MYH14: variants seen among roughly 807,000 people sequenced by gnomAD.
MYH14 encodes myosin heavy chain 14, also known as myosin-14.
MYH14 carries 123 observed loss-of-function variants against 255.5 expected under a neutral mutation model. That is an observed-to-expected ratio of 0.48 (90% CI 0.42 to 0.56). MYH14 has a LOEUF of 0.56. MYH14 is among the 20% of genes least tolerant of loss of function. MYH14 has a pLI of 0.00. For missense variants in MYH14, 2,423 were observed against 2,802.3 expected, an observed-to-expected ratio of 0.86 and a Z score of 3.06; for synonymous variants, 1,095 against 1,161.2, an observed-to-expected ratio of 0.94 and a Z score of 1.16.
intron 10 of MYH14, among the ~76,000 whole-genome samples, chr19:50,235,240 C>G (rs991173816): frequency 2.0e-5 from 3 of 151,836 alleles, no homozygotes; most frequent in Admixed American, 2.0e-4. Flanking sequence ...CGCCTGTAGT[C>G]CCAGCTACTC....
chr19:50,248,962 C>T (rs753003181), intron 12 of MYH14, 25 bp from the exon 13 acceptor site: 100 of 1,611,988 alleles, frequency 6.2e-5, no homozygotes, highest in Non-Finnish European at 5.6e-5. Flanking sequence ...CAGGCTGCGC[C>T]CTTACCATGA....
At chr19:50,257,819 G>A (rs142414742) in intron 18 of MYH14, among the ~76,000 whole-genome samples, 5 of 152,318 alleles carry the variant, frequency 3.3e-5, no homozygotes, top group African/African-American at 1.2e-4. Flanking sequence ...AGTTAAATCT[G>A]TAGGGGTGGT....
chr19:50,244,712 T>C (rs2034032481), intron 11 of MYH14, among the ~76,000 whole-genome samples: 1 of 151,948 alleles, frequency 6.6e-6, no homozygotes, highest in African/African-American at 2.4e-5. Flanking sequence ...CTCGATCTCA[T>C]GACCTCGTGA....
chr19:50,262,191 C>A (rs1190151168), intron 21 of MYH14, among the ~76,000 whole-genome samples: 1 of 152,120 alleles, frequency 6.6e-6, no homozygotes, highest in Admixed American at 6.5e-5. Context: ...TGTGCAAAGA[C>A]CCAACGATGC....
intron 10 of MYH14, among the ~76,000 whole-genome samples, chr19:50,241,319 C>T (rs1213503074): frequency 2.6e-5 from 4 of 152,134 alleles, no homozygotes; most frequent in Non-Finnish European, 5.9e-5. Context: ...CCTGTAGTCC[C>T]AGCTACTTGG....
intron 6 of MYH14, 126 bp from the exon 7 acceptor site, chr19:50,225,459 G>A (rs1031463941): frequency 1.2e-5 from 8 of 681,656 alleles, no homozygotes; most frequent in African/African-American, 3.5e-5. Flanking sequence ...GTGGGTACAC[G>A]CCCAGACACA....
At chr19:50,281,909 G>A in intron 33 of MYH14, 67 bp downstream of exon 33, 2 of 1,537,450 alleles carry the variant, frequency 1.3e-6, no homozygotes, top group Non-Finnish European at 1.8e-6. Context: ...TGGTCGTTGT[G>A]AGGAACCAGT....
At chr19:50,225,719 C>T in intron 7 of MYH14, 42 bp downstream of exon 7, 1 of 1,518,626 alleles carries the variant, frequency 6.6e-7, no homozygotes, top group Non-Finnish European at 9.1e-7. Context: ...GTCAGGGATA[C>T]AGGAGCTGGG....
intron 42 of MYH14, 146 bp downstream of exon 42, chr19:50,309,323 G>T (rs1350786702): frequency 3.8e-6 from 3 of 797,422 alleles, no homozygotes; most frequent in Non-Finnish European, 2.1e-6. Context: ...GCTGTGTTGC[G>T]GGAGAGCCAA....
At chr19:50,206,071 G>C (rs1198730070) in intron 1 of MYH14, among the ~76,000 whole-genome samples, 2 of 152,188 alleles carry the variant, frequency 1.3e-5, no homozygotes, top group Non-Finnish European at 2.9e-5. Context: ...AGGGCAGTCA[G>C]AGAGGCTCGG....
chr19:50,237,988 G>A (rs1238366931), intron 10 of MYH14, among the ~76,000 whole-genome samples: 1 of 152,142 alleles, frequency 6.6e-6, no homozygotes. Flanking sequence ...CAGAGAGAGA[G>A]GTGGACACCT....
chr19:50,305,271 G>C (rs549983464), intron 40 of MYH14, among the ~76,000 whole-genome samples: 11 of 152,198 alleles, frequency 7.2e-5, no homozygotes, highest in Non-Finnish European at 1.6e-4. Flanking sequence ...CTGGGGCTGG[G>C]GCTGTGAAGA....
At position 50,275,074 on chromosome 19, in the gene MYH14, T is replaced by C. The variant is rs374653394; in HGVS notation, c.3468-917T>C. On this transcript the variant is annotated intron_variant, in intron 27 of 42. Transcript: ENST00000642316. ...CATGTGGCCTTTTGTGCTTTAGTTA[T>C]TTTTATCGCCATCTCCCCAGCAACC... Among the ~76,000 whole-genome samples the C allele has an allele frequency of 2.1e-4, 32 of 152,342 alleles. No homozygotes were observed. In the East Asian group the frequency reaches 4.6e-3, roughly 22 times the overall value.
chr19:50,228,094 G>A (rs1461053232), intron 8 of MYH14, among the ~76,000 whole-genome samples: 2 of 152,074 alleles, frequency 1.3e-5, no homozygotes, highest in Non-Finnish European at 2.9e-5. Context: ...GACCAGCCAG[G>A]CCAACATGGT....
At position 50,301,695 on chromosome 19, in the gene MYH14, G is replaced by A. The variant is rs754861302; in HGVS notation, c.5504G>A (p.Arg1835His). ...CTGACCACAGAGCTGTCAGCTGAGC[G>A]CAGTTTCTCAGCCAAGGCAGAGAGC... Reference protein sequence around the residue: ...ESLTTELSAERSFSAKAESGR... With the variant: ...ESLTTELSAEHSFSAKAESGR... Residue 1835 changes from arginine (R) to histidine (H), a missense_variant, in exon 40 of 43, where the codon CGC becomes CAC. Transcript: ENST00000642316. 4.5e-5 allele frequency: 73 copies of A among 1,613,658 alleles called. No individual in the cohort carries two copies. The highest frequency in any genetic ancestry group is 6.7e-5 in the African/African-American group (5 of 74,904).
At chr19:50,302,954 A>G (rs1170169634) in intron 40 of MYH14, among the ~76,000 whole-genome samples, 2 of 152,228 alleles carry the variant, frequency 1.3e-5, no homozygotes, top group African/African-American at 4.8e-5. Context: ...GTGTGTAAAT[A>G]TATGTAAATA....
In MYH14 at chr19:50,261,549, G is replaced by A. The variant is rs1306095508; in HGVS notation, c.2499G>A (p.Leu833=). Residue 833 remains leucine, a synonymous_variant, in exon 21 of 43, where the codon CTG becomes CTA. Coordinates refer to ENST00000642316, the MANE Select transcript of MYH14 (RefSeq NM_001145809.2). The part of the protein sequence containing the change: ...QSKIFFRAGV[L]AQLEEERDLK... The stretch of plus-strand genomic sequence containing the variant: ...AGATCTTCTTCCGGGCTGGGGTCCT[G>A]GCCCAGCTGGAAGAGGAGCGAGACC... The A allele has an allele frequency of 6.3e-7, 1 of 1,599,206 alleles. No homozygotes were observed. The highest frequency in any genetic ancestry group is 1.7e-5 in the Admixed American group (1 of 58,620).
chr19:50,225,608 T>C lies in MYH14; in HGVS notation c.741T>C (p.Leu247=). 11 of 1,613,282 alleles carry C rather than the reference T, an allele frequency of 6.8e-6. No homozygotes were observed. The highest frequency in any genetic ancestry group is 9.3e-6 in the Non-Finnish European group (11 of 1,179,796). ...AGGGTGAGCTGGAGCGGCAGCTGCT[T>C]CAGGCCAACCCCATCCTAGAGGCCT... ...VSYGELERQL[L]QANPILEAFG... Residue 247 remains leucine, a synonymous_variant, in exon 7 of 43, where the codon CTT becomes CTC. Transcript: ENST00000642316.
chr19:50,273,449 A>T (rs748226608), intron 27 of MYH14, among the ~76,000 whole-genome samples: 2 of 152,150 alleles, frequency 1.3e-5, no homozygotes, highest in Non-Finnish European at 2.9e-5. Context: ...TTGAGCTCCT[A>T]CTGTATGCCA....
Sources: allele counts gnomAD v4.1 joint callset (sites outside exome capture counted in the v4.1 genomes callset), GRCh38; gene constraint gnomAD v4.1.1; transcripts MANE v1.5; gene names NCBI Gene and HGNC (gene_info 2026-07-23, HGNC 2026-07-21).